SLC16A12: variants seen among roughly 807,000 people sequenced by gnomAD.
SLC16A12 encodes monocarboxylate transporter 12.
A neutral mutation model predicts 42.4 loss-of-function variants in SLC16A12; 17 were observed. The ratio of observed to expected loss-of-function variants is 0.40; its 90% CI spans 0.27 to 0.60. The LOEUF is 0.60. Ranked by LOEUF, SLC16A12 falls within the 20% of genes least tolerant of loss-of-function variation. The pLI is 0.42. For missense variants in SLC16A12, 544 were observed against 623.0 expected (o/e 0.87, Z 1.35); for synonymous variants, 224 against 229.4 (o/e 0.98, Z 0.21).
intron 2 of SLC16A12, among the ~76,000 whole-genome samples, chr10:89,519,383 GA>G (rs202224311): frequency 6.6e-6 from 1 of 150,506 alleles, no homozygotes. Flanking sequence ...GTTGAGAGAA[GA>G]AAAAAAAATA....
At chr10:89,499,837 C>T (rs868213514) in intron 2 of SLC16A12, among the ~76,000 whole-genome samples, 7 of 151,614 alleles carry the variant, frequency 4.6e-5, no homozygotes, top group Admixed American at 1.3e-4. Flanking sequence ...AAAAAAAATA[C>T]GAAAGATAAA....
At position 89,433,027 on chromosome 10, in the gene SLC16A12, T is replaced by C. The variant is rs371590308; in HGVS notation, c.*37A>G. On this transcript the variant is annotated 3_prime_UTR_variant, in exon 8 of 8. Transcript: ENST00000371790. ...ATGAAGAATCTGGTGGCCCCACCTC[T>C]CTCAAACCTGAAGATTCTGGGGCTC... is the stretch of plus-strand genomic sequence containing the variant. 463 of 1,612,926 alleles carry C rather than the reference T, an allele frequency of 2.9e-4. No homozygotes were observed. Among genetic ancestry groups the C allele is most frequent in the Non-Finnish European group, 3.8e-4 (446 of 1,179,892 alleles).
In SLC16A12 at chr10:89,511,073, GGAAACAACA is replaced by G. The variant is rs564247755; in HGVS notation, c.-47+23419_-47+23427del. Among the ~76,000 whole-genome samples the G allele has an allele frequency of 1.0e-3, 153 of 152,218 alleles. 1 individual carries two copies. The highest frequency in any genetic ancestry group is 3.6e-3 in the African/African-American group (148 of 41,550). ...TAGAATGGTGATCATTAAAAAGTCA[GGAAACAACA>G]GATGCTGGAGAGGATGTAGAGAAAT... On this transcript the variant is annotated intron_variant, in intron 2 of 7. Coordinates refer to ENST00000371790, the MANE Select transcript of SLC16A12 (RefSeq NM_213606.4).
chr10:89,542,550 C>T (rs1177658750), intron 2 of SLC16A12, among the ~76,000 whole-genome samples: 3 of 152,108 alleles, frequency 2.0e-5, no homozygotes, highest in Non-Finnish European at 2.9e-5. Context: ...GAGATCCACC[C>T]ACCTTGGCCT....
intron 6 of SLC16A12, among the ~76,000 whole-genome samples, chr10:89,436,904 G>GAAAGAAAGAAAGAAAGAAAT (rs1841806141): frequency 6.7e-6 from 1 of 148,742 alleles, no homozygotes; most frequent in Non-Finnish European, 1.5e-5. Flanking sequence ...AAGAAAGAAA[G>GAAAGAAAGAAAGAAAGAAAT]AAAGAAAGAA....
At chr10:89,555,465 A>ATATATATATGTGAATATATACG (rs1843803687) in intron 2 of SLC16A12, among the ~76,000 whole-genome samples, 1 of 143,204 alleles carries the variant, frequency 7.0e-6, no homozygotes, top group South Asian at 2.2e-4. Context: ...AGAAAGGATA[A>ATATATATATGTGAATATATACG]TATATATATG....
At chr10:89,490,117 G>A (rs770313331) in intron 2 of SLC16A12, among the ~76,000 whole-genome samples, 9 of 152,132 alleles carry the variant, frequency 5.9e-5, no homozygotes, top group Non-Finnish European at 1.2e-4. Flanking sequence ...GTAAAAGTAG[G>A]GCTTTTCTTC....
intron 2 of SLC16A12, among the ~76,000 whole-genome samples, chr10:89,464,904 G>A (rs192992266): frequency 3.2e-4 from 48 of 152,268 alleles, no homozygotes; most frequent in Non-Finnish European, 6.0e-4. Flanking sequence ...AGGTGATTAC[G>A]TGGACAACTG....
At position 89,430,795 on chromosome 10, in the gene SLC16A12, G is replaced by A. The variant is rs914908926; in HGVS notation, c.*2269C>T. On this transcript the variant is annotated 3_prime_UTR_variant, in exon 8 of 8. Transcript: ENST00000371790. ...CTATGCTTATTTTTCATAAATACTT[G>A]TAATACTTCACAGAAATTATATTGC... 1.8e-5 allele frequency: 8 copies of A among 434,276 alleles called. No individual in the cohort carries two copies. Among genetic ancestry groups the A allele is most frequent in the Non-Finnish European group, 3.2e-5 (7 of 216,672 alleles). The allele number at this position is 434,276 out of a possible 1,614,324, so 26.9% of individuals were successfully genotyped here. A position where few individuals can be genotyped will look rare whatever the true frequency, so the allele number is the denominator to read the frequency against.
At chr10:89,495,986 TCCTTCTAATCAG>T (rs1842916793) in intron 2 of SLC16A12, among the ~76,000 whole-genome samples, 1 of 152,188 alleles carries the variant, frequency 6.6e-6, no homozygotes, top group African/African-American at 2.4e-5. Context: ...CACAAATCCT[TCCTTCTAATCAG>T]CTTCTTAATG....
intron 2 of SLC16A12, among the ~76,000 whole-genome samples, chr10:89,507,833 C>A (rs559757790): frequency 4.6e-5 from 7 of 152,252 alleles, no homozygotes; most frequent in Admixed American, 4.6e-4. Flanking sequence ...TCAGGAGACT[C>A]ATCTCACATG....
At chr10:89,543,832 C>CAA (rs532405351) in intron 2 of SLC16A12, among the ~76,000 whole-genome samples, 1 of 146,450 alleles carries the variant, frequency 6.8e-6, no homozygotes, top group African/African-American at 2.5e-5. Context: ...AAGACCTTGT[C>CAA]AAAAAAAAAA....
chr10:89,538,829 C>G (rs1253974855), upstream of SLC16A12, among the ~76,000 whole-genome samples: 1 of 152,146 alleles, frequency 6.6e-6, no homozygotes, highest in Non-Finnish European at 1.5e-5. Flanking sequence ...TAGTCAGGCT[C>G]CTGAACTTTC....
intron 2 of SLC16A12, among the ~76,000 whole-genome samples, chr10:89,550,112 T>C (rs73363852): frequency 0.077 from 11,715 of 152,180 alleles, 660 homozygotes; most frequent in African/African-American, 0.16. Flanking sequence ...TGTGACAACA[T>C]CCTGATCCAT....
chr10:89,448,842 G>C (rs900526450), intron 3 of SLC16A12, among the ~76,000 whole-genome samples: 3 of 152,206 alleles, frequency 2.0e-5, no homozygotes, highest in Admixed American at 1.3e-4. Flanking sequence ...TGACATGATT[G>C]TATATTTAGA....
chr10:89,545,622 AATGGCCATACTGCCCAAAGTAATTT>A (rs1411198996), intron 2 of SLC16A12, among the ~76,000 whole-genome samples: 1 of 152,338 alleles, frequency 6.6e-6, no homozygotes. Flanking sequence ...ATATTGTGAA[AATGGCCATACTGCCCAAAGTAATTT>A]ATAGATTCAA....
At chr10:89,522,833 T>A (rs919587355) in intron 2 of SLC16A12, among the ~76,000 whole-genome samples, 1 of 152,214 alleles carries the variant, frequency 6.6e-6, no homozygotes, top group Admixed American at 6.5e-5. Context: ...TAGTGAGTTA[T>A]CTATGTAAGG....
chr10:89,513,645 A>T (rs1407702855), intron 2 of SLC16A12, among the ~76,000 whole-genome samples: 2 of 152,226 alleles, frequency 1.3e-5, no homozygotes, highest in African/African-American at 2.4e-5. Flanking sequence ...CTTGTTACTA[A>T]TCAAATGTGA....
rs745925902 is a variant in SLC16A12 at position 89,432,961 on chromosome 10, T to C, written c.*103A>G. 6.9e-7 allele frequency: 1 copy of C among 1,448,090 alleles called. No individual in the cohort carries two copies. Among genetic ancestry groups the C allele is most frequent in the Non-Finnish European group, 9.4e-7 (1 of 1,065,274 alleles). The allele number at this position is 1,448,090 out of a possible 1,614,324, so 89.7% of individuals were successfully genotyped here. On this transcript the variant is annotated 3_prime_UTR_variant, in exon 8 of 8. Transcript: ENST00000371790. The stretch of plus-strand genomic sequence containing the variant: ...AACAAAACAATAATAATAATTTCCT[T>C]GGAAGGCAATCCTTCTGCCAAAATA...
Sources: allele counts gnomAD v4.1 joint callset (sites outside exome capture counted in the v4.1 genomes callset), GRCh38; gene constraint gnomAD v4.1.1; transcripts MANE v1.5; gene names NCBI Gene and HGNC (gene_info 2026-07-23, HGNC 2026-07-21).